KLF17: variants seen among roughly 807,000 people sequenced by gnomAD.
KLF17 encodes KLF transcription factor 17, also known as Krueppel-like factor 17.
A neutral mutation model predicts 34.2 loss-of-function variants in KLF17; 31 were observed. The ratio of observed to expected loss-of-function variants is 0.91; its 90% CI spans 0.68 to 1.22. The LOEUF (loss-of-function observed/expected upper bound fraction) is 1.22. Ranked by LOEUF, KLF17 falls within the 50% of genes most tolerant of loss-of-function variation. KLF17 has a pLI of 0.00. For missense variants in KLF17, 478 were observed against 505.2 expected (o/e 0.95, Z 0.52); for synonymous variants, 179 against 186.7 (o/e 0.96, Z 0.34).
chr1:44,127,736 T>TTTTC lies in KLF17; in HGVS notation c.82-1610_82-1607dup, dbSNP rs1229058700. On this transcript the variant is annotated intron_variant, in intron 1 of 3. Coordinates refer to ENST00000372299, the MANE Select transcript of KLF17 (RefSeq NM_173484.4). ...TCTTCTCTTTTCTTTCTTTCTTCTCTTTTCTTTCTTCTCTTTTCTTTCTTT... is the reference window on the plus strand; with the variant it reads ...TCTTCTCTTTTCTTTCTTTCTTCTCTTTTCTTTCTTTCTTCTCTTTTCTTTCTTT... 3.7e-5 allele frequency among the ~76,000 whole-genome samples: 5 copies of TTTTC among 134,580 alleles called. No homozygotes were observed. The East Asian group carries it at 6.2e-4, about 17-fold the overall frequency. The allele number at this position is 134,580 out of a possible 152,430, so 88.3% of individuals were successfully genotyped here. A position where few individuals can be genotyped will look rare whatever the true frequency, so the allele number is the denominator to read the frequency against.
intron 1 of KLF17, among the ~76,000 whole-genome samples, chr1:44,124,934 C>G (rs964066725): frequency 1.3e-5 from 2 of 152,204 alleles, no homozygotes; most frequent in East Asian, 3.8e-4. Flanking sequence ...TGTATAGCTC[C>G]ATTCCCACCT....
chr1:44,096,253 T>C, the KLF17 span, among the ~76,000 whole-genome samples: 4 of 152,020 alleles, frequency 2.6e-5, no homozygotes, highest in Non-Finnish European at 4.4e-5. Flanking sequence ...TGGTGGTCTT[T>C]AGGTTCTTCT....
At chr1:44,124,615 C>T (rs995456720) in intron 1 of KLF17, among the ~76,000 whole-genome samples, 1 of 151,978 alleles carries the variant, frequency 6.6e-6, no homozygotes, top group African/African-American at 2.4e-5. Context: ...CTGCCTCAGC[C>T]TCCCGAGTAG....
At chr1:44,094,976 C>T in the KLF17 span, among the ~76,000 whole-genome samples, 156 of 149,860 alleles carry the variant, frequency 1.0e-3, no homozygotes, top group Middle Eastern at 3.5e-3. Flanking sequence ...TCTCGGCTCA[C>T]TGCAAGCTCT....
chr1:44,083,215 T>G, the KLF17 span, among the ~76,000 whole-genome samples: 1 of 151,588 alleles, frequency 6.6e-6, no homozygotes, highest in Admixed American at 6.6e-5. Flanking sequence ...CCCAAAGTGC[T>G]AGGATTATAG....
At chr1:44,046,287 G>C in the KLF17 span, 1 of 150,498 alleles carries the variant, frequency 6.6e-6, no homozygotes, top group Non-Finnish European at 1.5e-5. Flanking sequence ...GGGCAATCAC[G>C]GCTCACTGCA....
At chr1:44,096,702 C>T in the KLF17 span, among the ~76,000 whole-genome samples, 10 of 151,720 alleles carry the variant, frequency 6.6e-5, no homozygotes, top group Middle Eastern at 3.4e-3. Flanking sequence ...GCCCAGCCTA[C>T]GGTTTTTAAA....
At chr1:44,113,328 A>C in the KLF17 span, among the ~76,000 whole-genome samples, 2 of 152,230 alleles carry the variant, frequency 1.3e-5, no homozygotes, top group Non-Finnish European at 2.9e-5. Flanking sequence ...AACAGAATGT[A>C]CATATGTGGT....
chr1:44,067,225 A>G, the KLF17 span, among the ~76,000 whole-genome samples: 10 of 152,330 alleles, frequency 6.6e-5, no homozygotes, highest in Middle Eastern at 3.4e-3. Context: ...GGTTGCTGCA[A>G]CCATTTCTGG....
At chr1:44,100,623 TTTTTGTTTTTGTTTTTGTTTTG>T in the KLF17 span, among the ~76,000 whole-genome samples, 1 of 141,050 alleles carries the variant, frequency 7.1e-6, no homozygotes, top group East Asian at 2.1e-4. Flanking sequence ...GGCTGTTTTG[TTTTTGTTTTTGTTTTTGTTTTG>T]TTTTGTTTTG....
rs780372588 is a variant in KLF17 at position 44,129,986 on chromosome 1, CTT to C, written c.716_717del (p.Leu239ArgfsTer35). 3 of 1,614,066 alleles carry C rather than the reference CTT, an allele frequency of 1.9e-6. No homozygotes were observed. Among genetic ancestry groups the C allele is most frequent in the Non-Finnish European group, 2.5e-6 (3 of 1,180,034 alleles). On this transcript the variant is annotated frameshift_variant, in exon 2 of 4. Transcript: ENST00000372299. LOFTEE classifies it high-confidence loss of function. ...GCTGGTTTTAGGATCTCAGGACTCT[CTT>C]GTCAGTCAGCCAGACTCTCAAGAAG... Reference protein sequence around the residue: ...SLLVLGSQDSLVSQPDSQEGP... With the variant: ...SLLVLGSQDSXVSQPDSQEGP...
chr1:44,103,852 C>T, the KLF17 span: 2 of 788,318 alleles, frequency 2.5e-6, no homozygotes, highest in East Asian at 2.4e-5. Context: ...CAGTTTATCT[C>T]GGAGGTCTCA....
the KLF17 span, chr1:44,104,533 C>T: frequency 1.4e-6 from 1 of 708,506 alleles, no homozygotes; most frequent in Non-Finnish European, 2.6e-6. Context: ...ATGTTGAGAT[C>T]CACCTCCTAA....
chr1:44,130,273 T>G, intron 2 of KLF17, 77 bp downstream of exon 2: 1 of 1,532,062 alleles, frequency 6.5e-7, no homozygotes, highest in Non-Finnish European at 8.8e-7. Flanking sequence ...TGGTGGGTAA[T>G]TGTTTGGGAT....
the KLF17 span, among the ~76,000 whole-genome samples, chr1:44,071,250 C>G: frequency 1.3e-5 from 2 of 152,192 alleles, no homozygotes; most frequent in Non-Finnish European, 2.9e-5. Context: ...GGTTCTTCTT[C>G]CTGGAAATGT....
At chr1:44,127,700 CTTT>C (rs2088039579) in intron 1 of KLF17, among the ~76,000 whole-genome samples, 1 of 101,118 alleles carries the variant, frequency 9.9e-6, no homozygotes, top group African/African-American at 4.2e-5. Flanking sequence ...CTTTTTCTTT[CTTT>C]CTTTCTTTCT....
At chr1:44,078,388 T>C in the KLF17 span, among the ~76,000 whole-genome samples, 1 of 152,018 alleles carries the variant, frequency 6.6e-6, no homozygotes. Context: ...TGGAGGGTCA[T>C]TGCCAGAGGA....
the KLF17 span, among the ~76,000 whole-genome samples, chr1:44,109,993 G>A: frequency 2.2e-5 from 3 of 138,676 alleles, no homozygotes; most frequent in African/African-American, 5.4e-5. Context: ...CTGCACCTCC[G>A]CCTCCCGGGT....
chr1:44,122,012 A>T (rs1557729461), intron 1 of KLF17: 2 of 655,738 alleles, frequency 3.1e-6, no homozygotes, highest in East Asian at 5.5e-5. Flanking sequence ...ATGGCAAAAT[A>T]AATTTCCTTT....
Sources: allele counts gnomAD v4.1 joint callset (sites outside exome capture counted in the v4.1 genomes callset), GRCh38; gene constraint gnomAD v4.1.1; transcripts MANE v1.5; gene names NCBI Gene and HGNC (gene_info 2026-07-23, HGNC 2026-07-21).